The following NELL1 variants were observed in gnomAD, a reference collection of about 807,000 sequenced individuals.
NELL1 encodes the protein neural EGFL like 1.
In NELL1, 76 loss-of-function variants were observed where a neutral mutation model predicts 107.4. The observed-to-expected ratio is 0.71, with a 90% CI of 0.59 to 0.86. NELL1 has a LOEUF of 0.86. Among genes scored for constraint, NELL1 ranks in the 40% least tolerant of loss-of-function variants. NELL1 has a pLI of 0.00. For synonymous variants in NELL1, 353 were observed against 341.2 expected (o/e 1.03, Z -0.38); for missense variants, 1,024 against 1,005.5 (o/e 1.02, Z -0.25).
intron 3 of NELL1, among the ~76,000 whole-genome samples, chr11:20,834,999 C>T (rs10833397): frequency 0.14 from 21,499 of 152,122 alleles, 2,064 homozygotes; most frequent in East Asian, 0.32. Context: ...CTTCACAACT[C>T]CTCTGATCTG....
rs137959456 is a variant in NELL1, at chr11:21,419,290, C to A, written c.1645+48342C>A. Among the ~76,000 whole-genome samples, 423 of 152,182 alleles carry A rather than the reference C, an allele frequency of 2.8e-3. 2 individuals carry two copies. Among genetic ancestry groups the A allele is most frequent in the African/African-American group, 9.7e-3 (401 of 41,544 alleles). On this transcript the variant is annotated intron_variant, in intron 15 of 19. Coordinates refer to ENST00000357134, the MANE Select transcript of NELL1 (RefSeq NM_006157.5). ...AAAAATCCCAAACTGATCTTTTATC[C>A]TTCAAGAAACCGTTGCAAGTTCTGA...
intron 2 of NELL1, among the ~76,000 whole-genome samples, chr11:20,693,464 T>C (rs1411402187): frequency 6.6e-6 from 1 of 152,138 alleles, no homozygotes; most frequent in Non-Finnish European, 1.5e-5. Flanking sequence ...CTTCAGGAGC[T>C]CTTTTAGGGC....
At chr11:21,515,882 T>G (rs185888438) in intron 15 of NELL1, among the ~76,000 whole-genome samples, 114 of 152,320 alleles carry the variant, frequency 7.5e-4, no homozygotes, top group Non-Finnish European at 9.6e-4. Context: ...GAAGCTCTAA[T>G]GAGCTGAACG....
At chr11:20,695,704 G>GTT (rs1342588317) in intron 2 of NELL1, among the ~76,000 whole-genome samples, 1 of 152,088 alleles carries the variant, frequency 6.6e-6, no homozygotes, top group African/African-American at 2.4e-5. Context: ...TTGTGTCTAT[G>GTT]TTCATTAGGG....
intron 16 of NELL1, among the ~76,000 whole-genome samples, chr11:21,548,633 G>C (rs1201799685): frequency 2.0e-5 from 3 of 151,782 alleles, no homozygotes; most frequent in Non-Finnish European, 4.4e-5. Flanking sequence ...AATTATGGGA[G>C]CTACAAGACG....
intron 12 of NELL1, among the ~76,000 whole-genome samples, chr11:21,013,563 G>A (rs1174161825): frequency 1.3e-5 from 2 of 152,102 alleles, no homozygotes; most frequent in Non-Finnish European, 2.9e-5. Context: ...TATCTGCTAA[G>A]GATGTATTTC....
At chr11:21,041,400 A>C (rs1159702876) in intron 12 of NELL1, among the ~76,000 whole-genome samples, 2 of 152,196 alleles carry the variant, frequency 1.3e-5, no homozygotes, top group East Asian at 3.8e-4. Context: ...TTTTTAGGCT[A>C]CTTTTTTATA....
At chr11:20,807,145 G>T (rs556795714) in intron 3 of NELL1, among the ~76,000 whole-genome samples, 2 of 150,936 alleles carry the variant, frequency 1.3e-5, no homozygotes, top group African/African-American at 4.9e-5. Context: ...GGTATTTATT[G>T]TAGTCTTCAC....
In NELL1 at chr11:21,131,064, A is replaced by G. The variant is rs1002591683; in HGVS notation, c.1426+17350A>G. On this transcript the variant is annotated intron_variant, in intron 13 of 19. Transcript: ENST00000357134. ...CCACACTGAGTATCTGGGGACATGC[A>G]TGCTGATGTGGTGGGGGGAGATGTC... Among the ~76,000 whole-genome samples, 40 of 23,460 alleles carry G rather than the reference A, an allele frequency of 1.7e-3. 2 individuals are homozygous for G. The highest frequency in any genetic ancestry group is 2.9e-3 in the South Asian group (1 of 350). The allele number at this position is 23,460 out of a possible 152,430, so 15.4% of individuals were successfully genotyped here.
chr11:20,978,896 A>G (rs1161397681), intron 12 of NELL1, among the ~76,000 whole-genome samples: 2 of 152,006 alleles, frequency 1.3e-5, no homozygotes, highest in Non-Finnish European at 2.9e-5. Context: ...CTCCTTTTCT[A>G]ATTATTATCA....
chr11:21,084,058 C>T (rs966857928), intron 12 of NELL1, among the ~76,000 whole-genome samples: 1 of 151,886 alleles, frequency 6.6e-6, no homozygotes, highest in Non-Finnish European at 1.5e-5. Flanking sequence ...CTACAGTGAG[C>T]GTTCTCATTG....
At chr11:20,924,019 C>T (rs1216617555) in intron 7 of NELL1, among the ~76,000 whole-genome samples, 1 of 152,092 alleles carries the variant, frequency 6.6e-6, no homozygotes, top group Non-Finnish European at 1.5e-5. Flanking sequence ...TGATTTGGTC[C>T]ATGGTTGCTT....
intron 2 of NELL1, among the ~76,000 whole-genome samples, chr11:20,733,895 C>G (rs535415359): frequency 6.6e-6 from 1 of 152,256 alleles, no homozygotes; most frequent in East Asian, 1.9e-4. Flanking sequence ...CTAGCGTAGA[C>G]AGTCAATTAA....
At chr11:21,015,322 C>T (rs16907287) in intron 12 of NELL1, among the ~76,000 whole-genome samples, 17,507 of 152,062 alleles carry the variant, frequency 0.12, 3,362 homozygotes, top group African/African-American at 0.4. Context: ...AGCAGAGATT[C>T]GTCCTCGCCG....
At position 21,327,162 on chromosome 11, in the gene NELL1, G is replaced by GGTTTT. The variant is rs1565169810; in HGVS notation, c.1550-43691_1550-43690insGTTTT. Among the ~76,000 whole-genome samples, 4 of 96,944 alleles carry GGTTTT rather than the reference G, an allele frequency of 4.1e-5. 2 individuals carry two copies. The highest frequency in any genetic ancestry group is 4.0e-5 in the Non-Finnish European group (2 of 50,056). 63.6% of individuals were successfully genotyped at this position (96,944 alleles called of 152,430 possible). The stretch of plus-strand genomic sequence containing the variant: ...ACAGTGAGTTCTCATGAGATCTGAT[G>GGTTTT]TTTTTTTTTTTTTTTTGTGGGGGGG... On this transcript the variant is annotated intron_variant, in intron 14 of 19. Transcript: ENST00000357134.
intron 15 of NELL1, among the ~76,000 whole-genome samples, chr11:21,509,124 ATGTTTTAC>A (rs2133942257): frequency 6.6e-6 from 1 of 152,312 alleles, no homozygotes; most frequent in South Asian, 2.1e-4. Flanking sequence ...ATATAGAAAG[ATGTTTTAC>A]TAGTAATCAG....
intron 11 of NELL1, among the ~76,000 whole-genome samples, chr11:20,952,918 G>A (rs139314987): frequency 1.3e-5 from 2 of 152,206 alleles, no homozygotes; most frequent in South Asian, 2.1e-4. Context: ...CGGGAGTTCA[G>A]TCTCTATTAG....
intron 10 of NELL1, among the ~76,000 whole-genome samples, chr11:20,946,831 T>C (rs188923382): frequency 7.4e-4 from 112 of 152,286 alleles, no homozygotes; most frequent in Middle Eastern, 6.8e-3. Flanking sequence ...AAACTGAGAA[T>C]TCATTAAGAG....
At chr11:21,283,106 C>T (rs1487173434) in intron 14 of NELL1, among the ~76,000 whole-genome samples, 1 of 152,020 alleles carries the variant, frequency 6.6e-6, no homozygotes, top group African/African-American at 2.4e-5. Context: ...ACCTAGTATT[C>T]ACTAGCACAA....
Sources: gnomAD v4.1 joint callset for allele counts (sites outside exome capture counted in the v4.1 genomes callset) on GRCh38, gnomAD v4.1.1 for gene constraint, MANE v1.5 for transcripts, NCBI Gene and HGNC (gene_info 2026-07-23, HGNC 2026-07-21) for gene names.